Variants in KCNAB1 observed in about 807,000 individuals in gnomAD.
KCNAB1 encodes the protein voltage-gated potassium channel subunit beta-1.
In KCNAB1, 35 loss-of-function variants were observed where a neutral mutation model predicts 64.6. The ratio of observed to expected loss-of-function variants is 0.54; its 90% CI spans 0.41 to 0.72. The LOEUF (loss-of-function observed/expected upper bound fraction) is 0.72. Ranked by LOEUF, KCNAB1 falls within the 30% of genes least tolerant of loss-of-function variation. KCNAB1 has a pLI of 0.00. For missense variants in KCNAB1, 401 were observed against 512.9 expected, an observed-to-expected ratio of 0.78 and a Z score of 2.11; for synonymous variants, 177 against 183.8, an observed-to-expected ratio of 0.96 and a Z score of 0.30.
At chr3:156,158,646 T>C (rs1715899577) in intron 1 of KCNAB1, among the ~76,000 whole-genome samples, 1 of 152,224 alleles carries the variant, frequency 6.6e-6, no homozygotes, top group Non-Finnish European at 1.5e-5. Context: ...AGATTTAAGA[T>C]GCAAACAATG....
At chr3:156,337,683 A>G (rs1230917371) in intron 1 of KCNAB1, among the ~76,000 whole-genome samples, 1 of 152,214 alleles carries the variant, frequency 6.6e-6, no homozygotes, top group African/African-American at 2.4e-5. Context: ...TCAGAGTTAG[A>G]CAAATCTGGG....
chr3:156,336,737 G>A (rs1278197384), intron 1 of KCNAB1, among the ~76,000 whole-genome samples: 2 of 152,300 alleles, frequency 1.3e-5, no homozygotes, highest in African/African-American at 4.8e-5. Context: ...AATACAAGGA[G>A]CAGGAAGGAA....
chr3:156,176,209 A>T, intron 1 of KCNAB1: 1 of 779,612 alleles, frequency 1.3e-6, no homozygotes, highest in Non-Finnish European at 2.4e-6. Context: ...CAGGCCAGTC[A>T]CTGAATCTGC....
intron 1 of KCNAB1, among the ~76,000 whole-genome samples, chr3:156,129,257 C>T (rs945423645): frequency 1.3e-5 from 2 of 152,050 alleles, no homozygotes; most frequent in African/African-American, 4.8e-5. Flanking sequence ...TTTGAGCCTT[C>T]GTTATTCTAC....
chr3:156,237,592 G>C (rs2108444024), intron 1 of KCNAB1, among the ~76,000 whole-genome samples: 1 of 152,098 alleles, frequency 6.6e-6, no homozygotes, highest in East Asian at 1.9e-4. Flanking sequence ...GAAGTTTTTT[G>C]CATCTAGCTC....
chr3:156,413,908 G>T (rs147934447), intron 1 of KCNAB1, among the ~76,000 whole-genome samples: 2 of 152,122 alleles, frequency 1.3e-5, no homozygotes, highest in African/African-American at 4.8e-5. Context: ...GTGATATATC[G>T]CACTCTGACT....
In KCNAB1 at chr3:156,537,067, AAAG is replaced by A; in HGVS notation, c.*324_*326del. ...ACTACCTTCAGGCATTTGGTAACTC[AAAG>A]AAGGCTGTACAGATATATTTTTTCA... On this transcript the variant is annotated 3_prime_UTR_variant, in exon 14 of 14. Coordinates refer to ENST00000490337, the MANE Select transcript of KCNAB1 (RefSeq NM_172160.3). 1 of 434,026 alleles carries A rather than the reference AAAG, an allele frequency of 2.3e-6. No homozygotes were observed. The highest frequency in any genetic ancestry group is 4.0e-6 in the Non-Finnish European group (1 of 247,536). 26.9% of individuals were successfully genotyped at this position (434,026 alleles called of 1,614,324 possible).
At chr3:156,202,619 C>A (rs1277395916) in intron 1 of KCNAB1, among the ~76,000 whole-genome samples, 1 of 152,144 alleles carries the variant, frequency 6.6e-6, no homozygotes, top group Non-Finnish European at 1.5e-5. Context: ...TCTGTTCTTG[C>A]ATGTTGTCTA....
chr3:156,457,872 GT>G (rs949084279), intron 4 of KCNAB1, among the ~76,000 whole-genome samples: 3 of 152,206 alleles, frequency 2.0e-5, no homozygotes, highest in South Asian at 2.1e-4. Flanking sequence ...GAATACGTGA[GT>G]GACCAAATGA....
chr3:156,421,626 A>G lies in KCNAB1; in HGVS notation c.286A>G (p.Lys96Glu). ...TTGMPHRNLG[K>E]SGLRVSCLGL... The stretch of plus-strand genomic sequence containing the variant: ...TTGTTTTTATTATAGGAATCTTGGA[A>G]AATCAGGACTCAGAGTTTCTTGCTT... Residue 96 changes from lysine (K) to glutamate (E), a missense_variant, in exon 2 of 14, where the codon AAA becomes GAA. Physicochemically the swap from Lys to Glu is moderately conservative, Grantham distance 56. Transcript: ENST00000490337. The G allele has an allele frequency of 1.9e-6, 3 of 1,614,032 alleles. No homozygotes were observed. The highest frequency in any genetic ancestry group is 2.5e-6 in the Non-Finnish European group (3 of 1,179,904).
intron 2 of KCNAB1, among the ~76,000 whole-genome samples, chr3:156,439,738 T>C (rs183816547): frequency 6.6e-6 from 1 of 152,320 alleles, no homozygotes; most frequent in East Asian, 1.9e-4. Context: ...CTGGGAACAT[T>C]TCCCTCGTTT....
chr3:156,218,391 G>C (rs1338021005), intron 1 of KCNAB1, among the ~76,000 whole-genome samples: 1 of 152,114 alleles, frequency 6.6e-6, no homozygotes, highest in Admixed American at 6.5e-5. Context: ...GCCCCTAACT[G>C]GTGGTCTTTC....
chr3:156,373,774 T>G (rs1052420688), intron 1 of KCNAB1, among the ~76,000 whole-genome samples: 4 of 152,208 alleles, frequency 2.6e-5, no homozygotes, highest in African/African-American at 9.6e-5. Context: ...GCCATCAGCC[T>G]TGTACCAAAG....
chr3:156,398,160 C>T (rs1217570243), intron 1 of KCNAB1, among the ~76,000 whole-genome samples: 2 of 152,108 alleles, frequency 1.3e-5, no homozygotes, highest in African/African-American at 2.4e-5. Flanking sequence ...CACATGTTCT[C>T]ACTCATAAGT....
chr3:156,514,578 A>G, intron 9 of KCNAB1, 129 bp downstream of exon 9: 1 of 666,678 alleles, frequency 1.5e-6, no homozygotes, highest in Non-Finnish European at 2.7e-6. Context: ...TCTAGAATCA[A>G]TTCCATCATT....
At chr3:156,499,657 A>G (rs1198003709) in intron 8 of KCNAB1, among the ~76,000 whole-genome samples, 1 of 152,178 alleles carries the variant, frequency 6.6e-6, no homozygotes, top group African/African-American at 2.4e-5. Context: ...GGCTGGTTTT[A>G]GAGAGAAATT....
At chr3:156,510,187 C>T (rs1717106901) in intron 8 of KCNAB1, among the ~76,000 whole-genome samples, 1 of 152,342 alleles carries the variant, frequency 6.6e-6, no homozygotes, top group African/African-American at 2.4e-5. Flanking sequence ...CTACCAGCAA[C>T]AAAAAGACCT....
At chr3:156,432,422 C>A (rs1290257974) in intron 2 of KCNAB1, among the ~76,000 whole-genome samples, 1 of 152,164 alleles carries the variant, frequency 6.6e-6, no homozygotes, top group African/African-American at 2.4e-5. Context: ...TTCATCCTAA[C>A]ACCTGGATGA....
rs187545747 is a variant in KCNAB1, at chr3:156,247,186, C to T, written c.275+126300C>T. Reference sequence around the variant, plus strand: ...GCTGGTATAGAAAGGCTGTCTTCCTCGTGGTTGCTTAGTCTCCAGAAAGCT... The same window carrying T: ...GCTGGTATAGAAAGGCTGTCTTCCTTGTGGTTGCTTAGTCTCCAGAAAGCT... On this transcript the variant is annotated intron_variant, in intron 1 of 13. Transcript: ENST00000490337. Among the ~76,000 whole-genome samples the T allele has an allele frequency of 5.9e-3, 899 of 152,234 alleles. 20 individuals carry two copies. Among genetic ancestry groups the T allele is most frequent in the South Asian group, 0.057 (276 of 4,824 alleles).
Sources: gnomAD v4.1 joint callset for allele counts (sites outside exome capture counted in the v4.1 genomes callset) on GRCh38, gnomAD v4.1.1 for gene constraint, MANE v1.5 for transcripts, NCBI Gene and HGNC (gene_info 2026-07-23, HGNC 2026-07-21) for gene names.